Variants in PTPRD observed in about 807,000 individuals in gnomAD.
PTPRD encodes receptor-type tyrosine-protein phosphatase delta.
PTPRD carries 34 observed loss-of-function variants against 214.5 expected under a neutral mutation model. The ratio of observed to expected loss-of-function variants is 0.16; its 90% CI spans 0.12 to 0.21. PTPRD has a LOEUF of 0.21. Ranked by LOEUF, PTPRD falls within the 10% of genes least tolerant of loss-of-function variation. The pLI is 1.00. For missense variants in PTPRD, 2,545 were observed against 2,398.7 expected, an observed-to-expected ratio of 1.06 and a Z score of -1.27; for synonymous variants, 1,128 against 845.7, an observed-to-expected ratio of 1.33 and a Z score of -5.79.
In PTPRD at chr9:9,759,555, C is replaced by CTTTTTTTTTTTTTTTTTTTTT. The variant is rs3050068; in HGVS notation, c.-326+7254_-326+7255insAAAAAAAAAAAAAAAAAAAAA. Reference sequence around the variant, plus strand: ...ACATCTTCAAATAGTCAAGGTCTGTCTTTTTTTTTTTTTTTTTTTTGAGAT... The same window carrying CTTTTTTTTTTTTTTTTTTTTT: ...ACATCTTCAAATAGTCAAGGTCTGTCTTTTTTTTTTTTTTTTTTTTTTTTTTTTTTTTTTTTTTTTTGAGAT... On this transcript the variant is annotated intron_variant, in intron 6 of 45. Coordinates refer to ENST00000381196, the MANE Select transcript of PTPRD (RefSeq NM_002839.4). Among the ~76,000 whole-genome samples the CTTTTTTTTTTTTTTTTTTTTT allele has an allele frequency of 1.4e-4, 16 of 117,804 alleles. 1 individual carries two copies. In the East Asian group the frequency reaches 2.4e-3, roughly 18 times the overall value. The allele number at this position is 117,804 out of a possible 152,430, so 77.3% of individuals were successfully genotyped here.
chr9:9,683,957 A>G (rs1261194914), intron 7 of PTPRD, among the ~76,000 whole-genome samples: 1 of 151,660 alleles, frequency 6.6e-6, no homozygotes, highest in African/African-American at 2.4e-5. Context: ...ATCAACATTC[A>G]TGTCCTTGAC....
chr9:8,704,422 A>G (rs1358947750), intron 12 of PTPRD, among the ~76,000 whole-genome samples: 1 of 152,198 alleles, frequency 6.6e-6, no homozygotes, highest in African/African-American at 2.4e-5. Flanking sequence ...GAAAAAAAGG[A>G]ATAGGCTTAA....
At chr9:8,950,454 C>G (rs2099095364) in intron 11 of PTPRD, among the ~76,000 whole-genome samples, 1 of 149,998 alleles carries the variant, frequency 6.7e-6, no homozygotes, top group Non-Finnish European at 1.5e-5. Flanking sequence ...TGCTTATATG[C>G]ACCAATTCAG....
intron 11 of PTPRD, among the ~76,000 whole-genome samples, chr9:8,856,721 G>A (rs1335710496): frequency 6.6e-6 from 1 of 152,156 alleles, no homozygotes; most frequent in Non-Finnish European, 1.5e-5. Flanking sequence ...AAAGTGGATT[G>A]TGATAGTCCT....
intron 44 of PTPRD, among the ~76,000 whole-genome samples, chr9:8,323,189 A>G (rs908231426): frequency 5.3e-5 from 8 of 152,152 alleles, no homozygotes; most frequent in African/African-American, 1.9e-4. Flanking sequence ...GCTTAGAATA[A>G]AAGATTCTTT....
At chr9:8,735,196 T>C (rs2154436227) in intron 11 of PTPRD, among the ~76,000 whole-genome samples, 2 of 149,822 alleles carry the variant, frequency 1.3e-5, no homozygotes, top group South Asian at 4.2e-4. Flanking sequence ...CAGGCTGTAG[T>C]GCAGTGGTAC....
chr9:9,684,489 T>G (rs965638790), intron 7 of PTPRD, among the ~76,000 whole-genome samples: 1 of 151,686 alleles, frequency 6.6e-6, no homozygotes. Flanking sequence ...GTCAACTCAA[T>G]GCAATTCAAA....
intron 9 of PTPRD, among the ~76,000 whole-genome samples, chr9:9,188,626 T>C (rs1220472187): frequency 6.6e-6 from 1 of 151,908 alleles, no homozygotes; most frequent in East Asian, 1.9e-4. Context: ...TAGGATTCAG[T>C]TGACTGGTAG....
intron 2 of PTPRD, among the ~76,000 whole-genome samples, chr9:10,397,546 CAACA>C (rs1432077358): frequency 6.6e-6 from 1 of 151,968 alleles, no homozygotes; most frequent in African/African-American, 2.4e-5. Flanking sequence ...CATGCACTGA[CAACA>C]AACAGCATTT....
chr9:10,594,454 G>A (rs906587879), intron 2 of PTPRD, among the ~76,000 whole-genome samples: 6 of 151,916 alleles, frequency 3.9e-5, no homozygotes, highest in African/African-American at 1.2e-4. Context: ...GCTTAATAAA[G>A]CAAAAATAAA....
At chr9:8,766,500 G>A (rs551575805) in intron 11 of PTPRD, among the ~76,000 whole-genome samples, 3 of 152,164 alleles carry the variant, frequency 2.0e-5, no homozygotes, top group African/African-American at 7.2e-5. Context: ...ACAAATGAAT[G>A]ATTAAAAATT....
At chr9:10,479,634 T>TAAAC (rs1589108921) in intron 2 of PTPRD, among the ~76,000 whole-genome samples, 1 of 114,966 alleles carries the variant, frequency 8.7e-6, no homozygotes, top group South Asian at 3.4e-4. Flanking sequence ...AAAACATAAA[T>TAAAC]AAATAAATAA....
At chr9:9,099,991 T>C (rs1420834773) in intron 10 of PTPRD, among the ~76,000 whole-genome samples, 1 of 152,182 alleles carries the variant, frequency 6.6e-6, no homozygotes, top group Non-Finnish European at 1.5e-5. Flanking sequence ...CTTATTTATA[T>C]AAAAGTGCTT....
intron 9 of PTPRD, among the ~76,000 whole-genome samples, chr9:9,359,840 G>T (rs1034605338): frequency 6.6e-6 from 1 of 151,260 alleles, no homozygotes; most frequent in Non-Finnish European, 1.5e-5. Flanking sequence ...GAGGCAATAT[G>T]CTGGGCTTCC....
At chr9:8,518,548 G>A in intron 20 of PTPRD, 119 bp from the exon 21 acceptor site, 1 of 736,124 alleles carries the variant, frequency 1.4e-6, no homozygotes, top group Non-Finnish European at 2.1e-6. Context: ...TTAATTAAAT[G>A]AAATTATAGC....
Position 10,219,627 on chromosome 9 carries a change from T to C in PTPRD, c.-545+121336A>G, listed in dbSNP as rs149358040. 1.6e-4 allele frequency among the ~76,000 whole-genome samples: 24 copies of C among 151,980 alleles called. No homozygotes were observed. In the East Asian group the frequency reaches 4.6e-3, roughly 29 times the overall value. On this transcript the variant is annotated intron_variant, in intron 3 of 45. Transcript: ENST00000381196. ...AAGGTTTCCTTAAATTGGTTCCGGA[T>C]TTCCTATTAATCAAATAAATTTTTT... is the stretch of plus-strand genomic sequence containing the variant.
chr9:8,913,492 T>C (rs750225380), intron 11 of PTPRD, among the ~76,000 whole-genome samples: 5 of 152,142 alleles, frequency 3.3e-5, no homozygotes, highest in African/African-American at 9.6e-5. Context: ...TATTTACAGA[T>C]GAGGGGTTCT....
chr9:8,861,671 T>G (rs2098109693), intron 11 of PTPRD: 1 of 152,188 alleles, frequency 6.6e-6, no homozygotes, highest in South Asian at 2.1e-4. Context: ...ATATTTTCAC[T>G]TCTATAGTGA....
At chr9:8,352,347 G>A (rs1013472205) in intron 39 of PTPRD, among the ~76,000 whole-genome samples, 2 of 152,202 alleles carry the variant, frequency 1.3e-5, no homozygotes, top group Non-Finnish European at 2.9e-5. Flanking sequence ...TAGTTGACTT[G>A]AATCTGAATA....
Sources: gnomAD v4.1 joint callset for allele counts (sites outside exome capture counted in the v4.1 genomes callset) on GRCh38, gnomAD v4.1.1 for gene constraint, MANE v1.5 for transcripts, NCBI Gene and HGNC (gene_info 2026-07-23, HGNC 2026-07-21) for gene names.